The following CADPS2 variants were observed in gnomAD, a reference collection of about 807,000 sequenced individuals.
CADPS2 encodes the protein calcium-dependent secretion activator 2.
In CADPS2, 93 loss-of-function variants were observed where a neutral mutation model predicts 172.5. The ratio of observed to expected loss-of-function variants is 0.54; its 90% confidence interval spans 0.46 to 0.64. The LOEUF (loss-of-function observed/expected upper bound fraction) is 0.64. CADPS2 is among the 30% of genes least tolerant of loss of function. The pLI is 0.00. For synonymous variants in CADPS2, 546 were observed against 555.2 expected (o/e 0.98, Z 0.23); for missense variants, 1,420 against 1,565.9 (o/e 0.91, Z 1.57).
At chr7:122,822,475 C>A (rs1449049779) in intron 1 of CADPS2, among the ~76,000 whole-genome samples, 1 of 151,664 alleles carries the variant, frequency 6.6e-6, no homozygotes, top group African/African-American at 2.4e-5. Context: ...CCATACCACC[C>A]CCCAAAAATT....
Position 122,432,389 on chromosome 7 carries a change from C to T in CADPS2, c.2476+5952G>A, listed in dbSNP as rs10225049. Among the ~76,000 whole-genome samples the T allele has an allele frequency of 8.9e-3, 1,348 of 152,086 alleles. 20 individuals are homozygous for T. The highest frequency in any genetic ancestry group is 0.031 in the African/African-American group (1,279 of 41,506). On this transcript the variant is annotated intron_variant, in intron 17 of 29. Coordinates refer to ENST00000449022, the MANE Select transcript of CADPS2 (RefSeq NM_017954.11). ...GCACTGTGGCTCATGCTTGTAATCC[C>T]GGCACTTTGGGAGGCTGAGGCTGGT...
At chr7:122,601,862 A>C (rs1417624863) in intron 6 of CADPS2, among the ~76,000 whole-genome samples, 1 of 152,082 alleles carries the variant, frequency 6.6e-6, no homozygotes, top group Non-Finnish European at 1.5e-5. Flanking sequence ...CTCATGCTGC[A>C]AAAGTTACCT....
intron 20 of CADPS2, among the ~76,000 whole-genome samples, chr7:122,405,410 C>T (rs991481923): frequency 1.3e-5 from 2 of 152,142 alleles, no homozygotes; most frequent in African/African-American, 2.4e-5. Flanking sequence ...CATGTGTAAT[C>T]CCAGCACTTT....
At chr7:122,727,965 T>C (rs1233176865) in intron 2 of CADPS2, among the ~76,000 whole-genome samples, 1 of 151,930 alleles carries the variant, frequency 6.6e-6, no homozygotes, top group Non-Finnish European at 1.5e-5. Context: ...ATTTCATCTA[T>C]GAATGTGTTG....
intron 3 of CADPS2, among the ~76,000 whole-genome samples, chr7:122,651,572 A>G (rs1245496693): frequency 1.3e-5 from 2 of 152,250 alleles, no homozygotes; most frequent in South Asian, 2.1e-4. Flanking sequence ...CCTTACAAAT[A>G]CCCAAACAGT....
In CADPS2 at chr7:122,399,656, GTTTCTTTTTTTTTTTTTTTTTTTTTTTT is replaced by G. The variant is rs1295205896; in HGVS notation, c.2747-6102_2747-6075del. ...TGATCGATAACTCTCTCAAGGGTGGGTTTCTTTTTTTTTTTTTTTTTTTTTTTTTTTTTTTTTTTTTTTTTTTTGAGAC... is the reference window on the plus strand; with the variant it reads ...TGATCGATAACTCTCTCAAGGGTGGGTTTTTTTTTTTTTTTTTTTTGAGAC... On this transcript the variant is annotated intron_variant, in intron 20 of 29. Transcript: ENST00000449022. Among the ~76,000 whole-genome samples, 517 of 94,584 alleles carry G rather than the reference GTTTCTTTTTTTTTTTTTTTTTTTTTTTT, an allele frequency of 5.5e-3. 1 individual carries two copies. The highest frequency in any genetic ancestry group is 0.01 in the Non-Finnish European group (427 of 42,516). The allele number at this position is 94,584 out of a possible 152,430, so 62.1% of individuals were successfully genotyped here. A position where few individuals can be genotyped will look rare whatever the true frequency, so the allele number is the denominator to read the frequency against.
chr7:122,468,248 C>A (rs2055422987), intron 14 of CADPS2, among the ~76,000 whole-genome samples: 1 of 152,114 alleles, frequency 6.6e-6, no homozygotes, highest in Non-Finnish European at 1.5e-5. Flanking sequence ...GAATATGTGT[C>A]TTGACAGATG....
chr7:122,560,725 T>C (rs1334195088), intron 7 of CADPS2, among the ~76,000 whole-genome samples: 1 of 152,208 alleles, frequency 6.6e-6, no homozygotes, highest in Non-Finnish European at 1.5e-5. Context: ...TTGGGTTTAG[T>C]TGATGTTTCT....
At chr7:122,758,276 G>A (rs1372730019) in intron 1 of CADPS2, among the ~76,000 whole-genome samples, 1 of 152,020 alleles carries the variant, frequency 6.6e-6, no homozygotes, top group Non-Finnish European at 1.5e-5. Context: ...ACTCCTTTTG[G>A]TATTATGTAT....
chr7:122,793,969 G>C (rs576050901), intron 1 of CADPS2, among the ~76,000 whole-genome samples: 23 of 152,204 alleles, frequency 1.5e-4, no homozygotes, highest in African/African-American at 5.3e-4. Context: ...ATCTCTTCTG[G>C]TTTGTAGGGT....
intron 2 of CADPS2, among the ~76,000 whole-genome samples, chr7:122,728,609 G>T (rs66798940): frequency 0.064 from 9,730 of 151,830 alleles, 366 homozygotes; most frequent in South Asian, 0.17. Context: ...GTTCTTTACA[G>T]TTTTGGGGGA....
At chr7:122,439,568 G>A (rs1165981367) in intron 16 of CADPS2, among the ~76,000 whole-genome samples, 1 of 152,060 alleles carries the variant, frequency 6.6e-6, no homozygotes, top group Admixed American at 6.6e-5. Flanking sequence ...AAGTATCAGT[G>A]ACCTTTGACA....
chr7:122,347,318 C>G (rs1370745854), intron 27 of CADPS2, among the ~76,000 whole-genome samples: 3 of 151,960 alleles, frequency 2.0e-5, no homozygotes, highest in Admixed American at 6.6e-5. Context: ...TTTTATATAA[C>G]ATAATAAAAT....
intron 14 of CADPS2, among the ~76,000 whole-genome samples, chr7:122,464,517 C>A (rs6948337): frequency 0.056 from 8,570 of 152,062 alleles, 581 homozygotes; most frequent in African/African-American, 0.16. Context: ...TTTCTTCAAA[C>A]TAGAGTATAA....
intron 1 of CADPS2, among the ~76,000 whole-genome samples, chr7:122,872,996 T>C (rs1280871309): frequency 2.0e-5 from 3 of 152,022 alleles, no homozygotes; most frequent in South Asian, 4.1e-4. Flanking sequence ...GGAAGAGTTA[T>C]ATTGTTTCAC....
intron 1 of CADPS2, among the ~76,000 whole-genome samples, chr7:122,845,022 A>C (rs1343736562): frequency 1.3e-5 from 2 of 152,176 alleles, no homozygotes; most frequent in Non-Finnish European, 2.9e-5. Context: ...GAGACTTAAA[A>C]CTTCAAATAA....
At chr7:122,694,932 T>C (rs1199558206) in intron 2 of CADPS2, among the ~76,000 whole-genome samples, 1 of 152,178 alleles carries the variant, frequency 6.6e-6, no homozygotes, top group Non-Finnish European at 1.5e-5. Context: ...CAAATGCTCA[T>C]CTTTCTCCCA....
intron 8 of CADPS2, among the ~76,000 whole-genome samples, chr7:122,522,286 T>C (rs1208784804): frequency 6.6e-6 from 1 of 152,010 alleles, no homozygotes; most frequent in Non-Finnish European, 1.5e-5. Context: ...AGCTAATTTT[T>C]GTACTTTTGG....
intron 25 of CADPS2, among the ~76,000 whole-genome samples, chr7:122,372,645 A>C (rs948712990): frequency 6.6e-6 from 1 of 152,220 alleles, no homozygotes; most frequent in Non-Finnish European, 1.5e-5. Flanking sequence ...ATATTGAAAG[A>C]AATATCTGGG....
Sources: allele counts gnomAD v4.1 joint callset (sites outside exome capture counted in the v4.1 genomes callset), GRCh38; gene constraint gnomAD v4.1.1; transcripts MANE v1.5; gene names NCBI Gene and HGNC (gene_info 2026-07-23, HGNC 2026-07-21).